SOX30: variants seen among roughly 807,000 people sequenced by gnomAD.
SOX30 encodes the protein SRY-box transcription factor 30, also known as transcription factor SOX-30.
In SOX30, 17 loss-of-function variants were observed where a neutral mutation model predicts 58.6. The ratio of observed to expected loss-of-function variants is 0.29; its 90% confidence interval spans 0.20 to 0.44. The LOEUF (loss-of-function observed/expected upper bound fraction) is 0.44, where lower values mean the gene tolerates loss of function less well. Among genes scored for constraint, SOX30 ranks in the 20% least tolerant of loss-of-function variants. SOX30 has a pLI of 1.00. For synonymous variants in SOX30, 421 were observed against 400.2 expected, an observed-to-expected ratio of 1.05 and a Z score of -0.62; for missense variants, 951 against 965.8, an observed-to-expected ratio of 0.98 and a Z score of 0.20.
chr5:157,629,183 G>A (rs899547752), intron 4 of SOX30, among the ~76,000 whole-genome samples: 4 of 152,148 alleles, frequency 2.6e-5, no homozygotes, highest in Admixed American at 2.0e-4. Flanking sequence ...ATACAGAAAT[G>A]ATAATCAAGG....
intron 2 of SOX30, among the ~76,000 whole-genome samples, chr5:157,657,488 T>C (rs1253697991): frequency 6.6e-6 from 1 of 152,184 alleles, no homozygotes; most frequent in African/African-American, 2.4e-5. Flanking sequence ...AATTGTGATA[T>C]TAAAATAAAG....
At chr5:157,655,681 G>A (rs1181796196), upstream of SOX30, among the ~76,000 whole-genome samples, 2 of 152,122 alleles carry the variant, frequency 1.3e-5, no homozygotes, top group Non-Finnish European at 2.9e-5. Context: ...GCTGCAGTGG[G>A]TGGATCTTTC....
rs972351080 is a variant in SOX30, at chr5:157,638,144, A to T, written c.1880+86T>A. The T allele has an allele frequency of 2.2e-5, 30 of 1,346,670 alleles. No individual in the cohort carries two copies. In the South Asian group the frequency reaches 4.1e-4, roughly 18 times the overall value. The allele number at this position is 1,346,670 out of a possible 1,614,324, so 83.4% of individuals were successfully genotyped here. On this transcript the variant is annotated intron_variant, in intron 4 of 4. Transcript: ENST00000265007. The stretch of plus-strand genomic sequence containing the variant: ...TGAAGAAGTCTGCTTTTCAGTATTT[A>T]AAAACAAATAAACAAAAAAATGTTG...
At chr5:157,665,867 A>T (rs1183361825) in intron 2 of SOX30, among the ~76,000 whole-genome samples, 2 of 150,084 alleles carry the variant, frequency 1.3e-5, no homozygotes, top group African/African-American at 2.4e-5. Context: ...AAGTTGCAAA[A>T]CCTGGTCTGA....
intron 2 of SOX30, among the ~76,000 whole-genome samples, chr5:157,663,462 A>T (rs987155297): frequency 1.3e-5 from 2 of 152,198 alleles, no homozygotes; most frequent in African/African-American, 4.8e-5. Flanking sequence ...TCAAAATAGT[A>T]AGAGCTATTT....
At chr5:157,644,271 C>T (rs1759137671) in intron 3 of SOX30, among the ~76,000 whole-genome samples, 1 of 152,006 alleles carries the variant, frequency 6.6e-6, no homozygotes, top group African/African-American at 2.4e-5. Flanking sequence ...ACAGCTGGCC[C>T]AAGAAATAAA....
chr5:157,665,901 CTTTTTT>C (rs67520310), intron 2 of SOX30, among the ~76,000 whole-genome samples: 1 of 130,252 alleles, frequency 7.7e-6, no homozygotes, highest in East Asian at 2.1e-4. Context: ...AGGATATTCC[CTTTTTT>C]TTTTTTTTTT....
At chr5:157,631,649 A>T (rs1758810250) in intron 4 of SOX30, among the ~76,000 whole-genome samples, 1 of 150,954 alleles carries the variant, frequency 6.6e-6, no homozygotes, top group African/African-American at 2.4e-5. Context: ...AGTCCCAGCT[A>T]CTCCAGAGGC....
At chr5:157,662,008 T>G (rs946068117) in intron 2 of SOX30, among the ~76,000 whole-genome samples, 9 of 152,172 alleles carry the variant, frequency 5.9e-5, no homozygotes, top group Non-Finnish European at 8.8e-5. Flanking sequence ...CTAAAATAAT[T>G]TAATTAAACG....
At chr5:157,641,483 T>C (rs1759060743) in intron 3 of SOX30, among the ~76,000 whole-genome samples, 1 of 151,966 alleles carries the variant, frequency 6.6e-6, no homozygotes, top group South Asian at 2.1e-4. Context: ...CTTGGTGGCA[T>C]GCACCTGTAA....
intron 2 of SOX30, among the ~76,000 whole-genome samples, chr5:157,647,148 G>A (rs80173401): frequency 0.042 from 6,323 of 148,788 alleles, 209 homozygotes; most frequent in East Asian, 0.1. Flanking sequence ...TGCAACCTCC[G>A]CCTCCCAGGT....
At chr5:157,651,052 A>C in intron 1 of SOX30, 60 bp downstream of exon 1, 1 of 1,309,932 alleles carries the variant, frequency 7.6e-7, no homozygotes, top group Non-Finnish European at 1.0e-6. Context: ...ACTGCTGACA[A>C]AACAGCTATG....
At chr5:157,638,863 C>G in intron 3 of SOX30, 141 bp from the exon 4 acceptor site, 2 of 749,846 alleles carry the variant, frequency 2.7e-6, no homozygotes, top group East Asian at 5.5e-5. Flanking sequence ...TCAAACCACT[C>G]TATTTCATTT....
At chr5:157,641,071 C>T (rs1554088640) in intron 3 of SOX30, among the ~76,000 whole-genome samples, 3 of 152,094 alleles carry the variant, frequency 2.0e-5, no homozygotes, top group South Asian at 4.1e-4. Flanking sequence ...AAGAACTTTA[C>T]GCCAGTAACA....
chr5:157,639,233 C>T (rs1377973969), intron 3 of SOX30, among the ~76,000 whole-genome samples: 2 of 152,076 alleles, frequency 1.3e-5, no homozygotes, highest in Non-Finnish European at 2.9e-5. Flanking sequence ...GGAGGAAAAG[C>T]CAGACTTTCG....
chr5:157,649,436 C>T (rs1023389676), intron 1 of SOX30, among the ~76,000 whole-genome samples: 11 of 152,044 alleles, frequency 7.2e-5, no homozygotes, highest in Non-Finnish European at 1.5e-4. Flanking sequence ...AAGCTCTTAC[C>T]AAGTGGAATC....
rs778053694 is a variant in SOX30, at chr5:157,626,728, C to T, written c.1881-7G>A. On this transcript the variant is annotated splice_polypyrimidine_tract_variant and splice_region_variant and intron_variant, in intron 4 of 4. Coordinates refer to ENST00000265007, the MANE Select transcript of SOX30 (RefSeq NM_178424.2). ...CCGACTGTAAGGGCATGTACTGCAG[C>T]AGAAAAACACAAACAAGGAATTAGA... 1.3e-6 allele frequency: 2 copies of T among 1,580,080 alleles called. No individual in the cohort carries two copies. Among genetic ancestry groups the T allele is most frequent in the East Asian group, 2.2e-5 (1 of 44,688 alleles).
intron 4 of SOX30, among the ~76,000 whole-genome samples, chr5:157,635,497 A>C (rs1758904872): frequency 6.6e-6 from 1 of 151,946 alleles, no homozygotes; most frequent in Non-Finnish European, 1.5e-5. Flanking sequence ...GGTGATAGGC[A>C]CCTGTGGTCC....
Position 157,646,713 on chromosome 5 carries a change from T to C in SOX30, c.1311A>G (p.Thr437=). 1.2e-6 allele frequency: 2 copies of C among 1,613,184 alleles called. No homozygotes were observed. The highest frequency in any genetic ancestry group is 1.7e-6 in the Non-Finnish European group (2 of 1,179,128). Residue 437 remains threonine (T), a synonymous_variant, in exon 3 of 5, where the codon ACA becomes ACG. Coordinates refer to ENST00000265007, the MANE Select transcript of SOX30 (RefSeq NM_178424.2). ...TTQNIISTNP[T]TVYPYRSPTY... Reference sequence around the variant, plus strand: ...TAGGTGAGCGGTAAGGATAAACTGTTGTAGGATTTGTAGAGATGATATTCT... The same window carrying C: ...TAGGTGAGCGGTAAGGATAAACTGTCGTAGGATTTGTAGAGATGATATTCT...
Sources: gnomAD v4.1 joint callset for allele counts (sites outside exome capture counted in the v4.1 genomes callset) on GRCh38, gnomAD v4.1.1 for gene constraint, MANE v1.5 for transcripts, NCBI Gene and HGNC (gene_info 2026-07-23, HGNC 2026-07-21) for gene names.